ADAM32: variants seen among roughly 807,000 people sequenced by gnomAD.
The protein encoded by ADAM32 is ADAM metallopeptidase domain 32.
Under a neutral mutation model 114.9 loss-of-function variants are expected in ADAM32, and 89 were observed. The ratio of observed to expected loss-of-function variants is 0.77; its 90% CI spans 0.65 to 0.92. The LOEUF (loss-of-function observed/expected upper bound fraction) is 0.92, where lower values mean the gene tolerates loss of function less well. Ranked by LOEUF, ADAM32 falls within the 40% of genes least tolerant of loss-of-function variation. The probability of loss-of-function intolerance (pLI) is 0.00; values close to 1 mark genes in which losing one functional copy is unlikely to be tolerated. For synonymous variants in ADAM32, 285 were observed against 307.5 expected, an observed-to-expected ratio of 0.93 and a Z score of 0.77; for missense variants, 870 against 932.8, an observed-to-expected ratio of 0.93 and a Z score of 0.88.
intron 2 of ADAM32, among the ~76,000 whole-genome samples, chr8:39,134,805 G>A (rs1331238911): frequency 6.6e-6 from 1 of 151,988 alleles, no homozygotes; most frequent in Non-Finnish European, 1.5e-5. Flanking sequence ...CTAAGTTTTG[G>A]GTTTGAGAAA....
Position 39,181,474 on chromosome 8 carries a change from C to T in ADAM32, c.916-5435C>T, listed in dbSNP as rs138354704. On this transcript the variant is annotated intron_variant, in intron 10 of 24. Transcript: ENST00000379907. ...ACCTTAAGAGCTGTAACACTCACTGCGAGGCTCCGCGGCTTCATTCTTGAA... is the reference window on the plus strand; with the variant it reads ...ACCTTAAGAGCTGTAACACTCACTGTGAGGCTCCGCGGCTTCATTCTTGAA... Among the ~76,000 whole-genome samples, 409 of 152,276 alleles carry T rather than the reference C, an allele frequency of 2.7e-3. 6 individuals are homozygous for T. Among genetic ancestry groups the T allele is most frequent in the African/African-American group, 9.4e-3 (391 of 41,558 alleles).
chr8:39,127,608 AT>A (rs1179910025), intron 2 of ADAM32, among the ~76,000 whole-genome samples: 2 of 151,226 alleles, frequency 1.3e-5, no homozygotes, highest in Admixed American at 6.6e-5. Context: ...CTATATTATT[AT>A]TTTTTTCCCC....
At chr8:39,209,493 T>C (rs185457417) in intron 11 of ADAM32, among the ~76,000 whole-genome samples, 33 of 152,342 alleles carry the variant, frequency 2.2e-4, no homozygotes, top group Admixed American at 2.0e-3. Flanking sequence ...TTATTTATTA[T>C]ACTTGATGGG....
chr8:39,116,305 G>C (rs1369359012), intron 1 of ADAM32, among the ~76,000 whole-genome samples: 3 of 152,174 alleles, frequency 2.0e-5, no homozygotes, highest in African/African-American at 7.2e-5. Flanking sequence ...AAGTAGCACT[G>C]AATCTGTAAA....
intron 2 of ADAM32, among the ~76,000 whole-genome samples, chr8:39,126,456 T>A (rs1802121983): frequency 6.6e-6 from 1 of 152,152 alleles, no homozygotes; most frequent in Non-Finnish European, 1.5e-5. Flanking sequence ...TGGGAGTTAA[T>A]TGATGACTTG....
chr8:39,147,265 C>CA, intron 4 of ADAM32, 60 bp downstream of exon 4: 1 of 680,736 alleles, frequency 1.5e-6, no homozygotes, highest in Non-Finnish European at 2.0e-6. Context: ...TAAATAAATG[C>CA]TTTATTATAC....
chr8:39,147,899 G>A (rs1166729726), intron 4 of ADAM32, among the ~76,000 whole-genome samples: 11 of 151,784 alleles, frequency 7.2e-5, no homozygotes, highest in African/African-American at 1.2e-4. Context: ...TCAGCCTCCC[G>A]AGTATTTGGG....
chr8:39,240,695 T>A (rs769070726), intron 16 of ADAM32, among the ~76,000 whole-genome samples: 1 of 152,176 alleles, frequency 6.6e-6, no homozygotes, highest in Non-Finnish European at 1.5e-5. Flanking sequence ...GAAACTCCCC[T>A]TTTTAAAACC....
intron 16 of ADAM32, among the ~76,000 whole-genome samples, chr8:39,243,717 A>G (rs1810713116): frequency 6.6e-6 from 1 of 152,198 alleles, no homozygotes. Context: ...TGAGAACAGG[A>G]AGAAGATAAG....
chr8:39,152,875 A>C (rs889097269), intron 6 of ADAM32, among the ~76,000 whole-genome samples: 1 of 152,192 alleles, frequency 6.6e-6, no homozygotes, highest in Non-Finnish European at 1.5e-5. Flanking sequence ...ATGACGTGTG[A>C]GCAAGCATAA....
chr8:39,196,233 T>G (rs1479143550), intron 11 of ADAM32, among the ~76,000 whole-genome samples: 1 of 150,532 alleles, frequency 6.6e-6, no homozygotes, highest in African/African-American at 2.4e-5. Context: ...GTTTTTAGAG[T>G]TTTTTGGTGG....
intron 11 of ADAM32, among the ~76,000 whole-genome samples, chr8:39,204,014 T>C (rs1340994431): frequency 6.6e-6 from 1 of 152,252 alleles, no homozygotes; most frequent in Non-Finnish European, 1.5e-5. Flanking sequence ...GTTAGTCTGA[T>C]GGGCTTCCCT....
At chr8:39,141,672 T>C (rs1803162110) in intron 3 of ADAM32, among the ~76,000 whole-genome samples, 1 of 152,190 alleles carries the variant, frequency 6.6e-6, no homozygotes, top group Admixed American at 6.5e-5. Flanking sequence ...TACTGTTGAT[T>C]TGGGGTGGAG....
intron 17 of ADAM32, 96 bp downstream of exon 17, chr8:39,246,262 C>A: frequency 9.8e-7 from 1 of 1,021,616 alleles, no homozygotes; most frequent in Non-Finnish European, 1.5e-6. Flanking sequence ...TACCATGTGA[C>A]AGACTCTGTT....
At chr8:39,108,765 C>T (rs1159629035) in intron 1 of ADAM32, among the ~76,000 whole-genome samples, 1 of 152,204 alleles carries the variant, frequency 6.6e-6, no homozygotes, top group African/African-American at 2.4e-5. Context: ...GCCATAATTA[C>T]CTCTGCAGCA....
intron 16 of ADAM32, among the ~76,000 whole-genome samples, chr8:39,242,116 C>T (rs889501629): frequency 2.6e-5 from 4 of 152,172 alleles, no homozygotes; most frequent in Non-Finnish European, 5.9e-5. Context: ...ATAGTAAGAG[C>T]CACATTTGCT....
At chr8:39,240,966 G>T (rs140829096) in intron 16 of ADAM32, among the ~76,000 whole-genome samples, 48 of 152,146 alleles carry the variant, frequency 3.2e-4, no homozygotes, top group African/African-American at 1.1e-3. Context: ...GACAAGGCAA[G>T]TCCCTTCCAC....
chr8:39,246,231 T>A, intron 17 of ADAM32, 65 bp downstream of exon 17: 1 of 1,487,708 alleles, frequency 6.7e-7, no homozygotes, highest in Non-Finnish European at 9.3e-7. Flanking sequence ...CTCATTAATT[T>A]ACTGACATTT....
intron 2 of ADAM32, among the ~76,000 whole-genome samples, chr8:39,135,832 A>T (rs1802767354): frequency 6.6e-6 from 1 of 152,164 alleles, no homozygotes. Context: ...TGCTCTCCTC[A>T]TGACATCATA....
Sources: allele counts gnomAD v4.1 joint callset (sites outside exome capture counted in the v4.1 genomes callset), GRCh38; gene constraint gnomAD v4.1.1; transcripts MANE v1.5; gene names NCBI Gene and HGNC (gene_info 2026-07-23, HGNC 2026-07-21).